PLEKHA6: variants seen among roughly 807,000 people sequenced by gnomAD.
The protein encoded by PLEKHA6 is pleckstrin homology domain-containing family A member 6.
PLEKHA6 carries 60 observed loss-of-function variants against 116.7 expected under a neutral mutation model. The ratio of observed to expected loss-of-function variants is 0.51; its 90% CI spans 0.42 to 0.64. The LOEUF is 0.64. Among genes scored for constraint, PLEKHA6 ranks in the 30% least tolerant of loss-of-function variants. The probability of loss-of-function intolerance (pLI) is 0.00; values close to 1 mark genes in which losing one functional copy is unlikely to be tolerated. For missense variants in PLEKHA6, 1,338 were observed against 1,422.7 expected, an observed-to-expected ratio of 0.94 and a Z score of 0.96; for synonymous variants, 489 against 556.1, an observed-to-expected ratio of 0.88 and a Z score of 1.70.
At chr1:204,231,490 G>T (rs987732154) in intron 17 of PLEKHA6, among the ~76,000 whole-genome samples, 1 of 151,890 alleles carries the variant, frequency 6.6e-6, no homozygotes, top group African/African-American at 2.4e-5. Context: ...ATCACCTTTA[G>T]ATTACTTATA....
chr1:204,266,133 A>T (rs1358350393), intron 5 of PLEKHA6, among the ~76,000 whole-genome samples: 1 of 152,168 alleles, frequency 6.6e-6, no homozygotes, highest in Non-Finnish European at 1.5e-5. Context: ...TCTACACGAT[A>T]CTTGGCCCAC....
chr1:204,344,173 G>T (rs918756192), intron 1 of PLEKHA6, among the ~76,000 whole-genome samples: 1 of 152,124 alleles, frequency 6.6e-6, no homozygotes, highest in Admixed American at 6.5e-5. Context: ...GCCAAGGGAA[G>T]AGTTGCAGAA....
chr1:204,314,198 G>A (rs550985156), intron 1 of PLEKHA6, among the ~76,000 whole-genome samples: 1 of 152,272 alleles, frequency 6.6e-6, no homozygotes, highest in South Asian at 2.1e-4. Flanking sequence ...CAAACAGATT[G>A]ATAATAAGAT....
chr1:204,263,970 T>C (rs1234773647), intron 6 of PLEKHA6, among the ~76,000 whole-genome samples: 1 of 152,106 alleles, frequency 6.6e-6, no homozygotes, highest in Non-Finnish European at 1.5e-5. Context: ...TGCCCAGCTC[T>C]CTTCTGTGGC....
rs1347387834 is a variant in PLEKHA6 at position 204,220,823 on chromosome 1, T to A, written c.*1965A>T. 1 of 151,364 alleles carries A rather than the reference T, an allele frequency of 6.6e-6. No homozygotes were observed. Among genetic ancestry groups the A allele is most frequent in the Non-Finnish European group, 1.5e-5 (1 of 67,834 alleles). 9.4% of individuals were successfully genotyped at this position (151,364 alleles called of 1,614,324 possible). A position where few individuals can be genotyped will look rare whatever the true frequency, so the allele number is the denominator to read the frequency against. On this transcript the variant is annotated 3_prime_UTR_variant, in exon 23 of 23. Coordinates refer to ENST00000272203, the MANE Select transcript of PLEKHA6 (RefSeq NM_014935.5). ...AGAGCCAGCTTTATGAAATAAGAGA[T>A]GAGAGAGAGGTGGCAGAGGCGCAGA...
At chr1:204,341,336 T>C (rs1672839542) in intron 1 of PLEKHA6, among the ~76,000 whole-genome samples, 1 of 152,180 alleles carries the variant, frequency 6.6e-6, no homozygotes, top group African/African-American at 2.4e-5. Flanking sequence ...AACCAGGATC[T>C]GTGGGGGAAA....
At chr1:204,258,293 T>C (rs1665631881) in intron 8 of PLEKHA6, among the ~76,000 whole-genome samples, 1 of 151,994 alleles carries the variant, frequency 6.6e-6, no homozygotes, top group African/African-American at 2.4e-5. Context: ...AGAGATGAGG[T>C]CCATTCTGTC....
intron 13 of PLEKHA6, among the ~76,000 whole-genome samples, chr1:204,246,690 C>T (rs1663733611): frequency 1.3e-5 from 2 of 152,194 alleles, no homozygotes; most frequent in Admixed American, 1.3e-4. Context: ...AAGAACTCCC[C>T]AAGATCATCA....
chr1:204,245,670 C>T lies in PLEKHA6; in HGVS notation c.1977G>A (p.Met659Ile). The change falls in exon 14 of 23, where the codon ATG becomes ATA. Residue 659 changes from methionine (M) to isoleucine (I), a missense_variant. Around this residue, in one of 3 missense-constraint regions of PLEKHA6, gnomAD observed 1,136 missense variants for 1,163.6 expected, o/e 0.98. Transcript: ENST00000272203. The part of the protein sequence containing the change: ...QKEIWRIQDV[M>I]EGLRKNNPSR... ...AGGGGTTGTTCTTCCTCAGCCCCTC[C>T]ATCACGTCCTGGATCCTCCAGATCT... is the stretch of plus-strand genomic sequence containing the variant. The T allele has an allele frequency of 6.2e-7, 1 of 1,613,828 alleles. No homozygotes were observed. Among genetic ancestry groups the T allele is most frequent in the Non-Finnish European group, 8.5e-7 (1 of 1,179,848 alleles).
chr1:204,283,191 C>T (rs1234412687), intron 1 of PLEKHA6, among the ~76,000 whole-genome samples: 1 of 152,068 alleles, frequency 6.6e-6, no homozygotes, highest in African/African-American at 2.4e-5. Context: ...CCCACCCTGC[C>T]CCACCCAACG....
At chr1:204,359,486 G>T in intron 1 of PLEKHA6, 1 of 353,138 alleles carries the variant, frequency 2.8e-6, no homozygotes, top group Non-Finnish European at 4.0e-6. Context: ...CTCTGGAGGT[G>T]GGGGTGGGGG....
intron 18 of PLEKHA6, 43 bp downstream of exon 18, chr1:204,230,370 C>T: frequency 5.4e-6 from 8 of 1,478,428 alleles, no homozygotes; most frequent in Admixed American, 2.2e-5. Context: ...GCAGTGTTGG[C>T]AGATGCCAGG....
intron 15 of PLEKHA6, among the ~76,000 whole-genome samples, chr1:204,242,676 T>A (rs535103308): frequency 8.5e-5 from 13 of 152,276 alleles, no homozygotes; most frequent in African/African-American, 3.1e-4. Flanking sequence ...CAGGGACTCA[T>A]GAAACCCAAC....
upstream of PLEKHA6, among the ~76,000 whole-genome samples, chr1:204,361,390 G>C (rs1673553999): frequency 6.6e-6 from 1 of 152,202 alleles, no homozygotes. Flanking sequence ...GAACCTGGCT[G>C]GTTGGTGTGA....
chr1:204,370,420 AG>A, intron 2 of PLEKHA6, among the ~76,000 whole-genome samples: 1 of 152,352 alleles, frequency 6.6e-6, no homozygotes, highest in African/African-American at 2.4e-5. Context: ...GAAGGCGGGA[AG>A]GGGAGAGATA....
At chr1:204,355,998 CACA>C (rs754815396) in intron 1 of PLEKHA6, among the ~76,000 whole-genome samples, 1,259 of 28,302 alleles carry the variant, frequency 0.044, 18 homozygotes, top group East Asian at 0.13. Flanking sequence ...CACACACACA[CACA>C]AAAAAAATCC....
chr1:204,274,038 A>G (rs936927984), intron 2 of PLEKHA6, among the ~76,000 whole-genome samples: 1 of 152,112 alleles, frequency 6.6e-6, no homozygotes, highest in Non-Finnish European at 1.5e-5. Context: ...GGCTCAAGTG[A>G]TCTTCCCACC....
intron 4 of PLEKHA6, 111 bp from the exon 5 acceptor site, chr1:204,267,658 C>A: frequency 1.1e-6 from 1 of 877,414 alleles, no homozygotes; most frequent in South Asian, 1.4e-5. Flanking sequence ...CTGGCCCTAG[C>A]TGCGGCTCTG....
At chr1:204,225,121 G>A (rs1302317997) in intron 21 of PLEKHA6, among the ~76,000 whole-genome samples, 6 of 152,158 alleles carry the variant, frequency 3.9e-5, no homozygotes, top group South Asian at 2.1e-4. Context: ...AAGAAAGCAC[G>A]ACTGAGGAGA....
Sources: gnomAD v4.1 joint callset for allele counts (sites outside exome capture counted in the v4.1 genomes callset) on GRCh38, gnomAD v4.1.1 for gene constraint, gnomAD v4.1.1 regional missense constraint, MANE v1.5 for transcripts, NCBI Gene and HGNC (gene_info 2026-07-23, HGNC 2026-07-21) for gene names.